The following VAV2 variants were observed in gnomAD, a reference collection of about 807,000 sequenced individuals.
The protein encoded by VAV2 is guanine nucleotide exchange factor VAV2.
VAV2 carries 67 observed loss-of-function variants against 132.5 expected under a neutral mutation model. The ratio of observed to expected loss-of-function variants is 0.51; its 90% CI spans 0.42 to 0.62. The LOEUF (loss-of-function observed/expected upper bound fraction) is 0.62, where lower values mean the gene tolerates loss of function less well. Ranked by LOEUF, VAV2 falls within the 20% of genes least tolerant of loss-of-function variation. The probability of loss-of-function intolerance (pLI) is 0.00; values close to 1 mark genes in which losing one functional copy is unlikely to be tolerated. For synonymous variants in VAV2, 492 were observed against 443.5 expected, an observed-to-expected ratio of 1.11 and a Z score of -1.37; for missense variants, 938 against 1,153.6, an observed-to-expected ratio of 0.81 and a Z score of 2.71.
intron 4 of VAV2, among the ~76,000 whole-genome samples, chr9:133,817,687 G>A (rs1324643353): frequency 1.3e-5 from 2 of 152,150 alleles, no homozygotes; most frequent in Non-Finnish European, 2.9e-5. Context: ...TCCCTCTGCC[G>A]TGTGCAACTT....
rs576139098 is a variant in VAV2, at chr9:133,814,795, A to G, written c.450-2579T>C. 1.4e-4 allele frequency among the ~76,000 whole-genome samples: 21 copies of G among 152,090 alleles called. No individual in the cohort carries two copies. The South Asian group carries it at 4.4e-3, about 32-fold the overall frequency. On this transcript the variant is annotated intron_variant, in intron 4 of 29. Transcript: ENST00000371850. ...GGTCGACCAGAACCGGTTGCTGACG[A>G]CATGCAACGTCTTTCCTCTCCCCCA... is the stretch of plus-strand genomic sequence containing the variant.
chr9:133,983,352 T>C (rs908568350), intron 1 of VAV2, among the ~76,000 whole-genome samples: 1 of 152,040 alleles, frequency 6.6e-6, no homozygotes, highest in Non-Finnish European at 1.5e-5. Flanking sequence ...AAGGAAGATT[T>C]CCTCCAGGAG....
In VAV2 at chr9:133,935,509, C is replaced by T. The variant is rs139155410; in HGVS notation, c.321+3594G>A. 2.6e-3 allele frequency among the ~76,000 whole-genome samples: 393 copies of T among 152,326 alleles called. 1 individual carries two copies. The highest frequency in any genetic ancestry group is 9.2e-3 in the African/African-American group (382 of 41,566). On this transcript the variant is annotated intron_variant, in intron 2 of 29. Transcript: ENST00000371850. This position sits in a 1 kb window ranked among gnomAD's most constrained non-coding sequence, Gnocchi z 5.2. ...CACGGCAGGGACTGCAACAAATACG[C>T]CCCGGCCCAGCAAGAGGTCCCCAGG...
chr9:133,980,976 A>G lies in VAV2; in HGVS notation c.204+11099T>C, dbSNP rs139479423. Reference sequence around the variant, plus strand: ...CACCTCCTCCGGGAAGCTCTCCGCCATCACCCTGCCCCCAGGGATCTAAAT... The same window carrying G: ...CACCTCCTCCGGGAAGCTCTCCGCCGTCACCCTGCCCCCAGGGATCTAAAT... On this transcript the variant is annotated intron_variant, in intron 1 of 29. Transcript: ENST00000371850. Among the ~76,000 whole-genome samples the G allele has an allele frequency of 2.3e-3, 354 of 152,184 alleles. 3 individuals are homozygous for G. Among genetic ancestry groups the G allele is most frequent in the African/African-American group, 8.1e-3 (338 of 41,488 alleles).
rs780046230 is a variant in VAV2, at chr9:133,778,810, G to A, written c.1842C>T (p.Gly614=). ...PGKPVLTFQT[G]DVLELLRGDP... Reference sequence around the variant, plus strand: ...CGCCCCTCAGCAGCTCAAGCACGTCGCCCGTCTGGAAGGTCAGCACAGGCT... The same window carrying A: ...CGCCCCTCAGCAGCTCAAGCACGTCACCCGTCTGGAAGGTCAGCACAGGCT... The change falls in exon 22 of 30, where the codon GGC becomes GGT. Residue 614 remains glycine, a synonymous_variant. Transcript: ENST00000371850. 7.4e-6 allele frequency: 12 copies of A among 1,613,036 alleles called. No homozygotes were observed. The highest frequency in any genetic ancestry group is 1.6e-4 in the Middle Eastern group (1 of 6,062).
intron 2 of VAV2, among the ~76,000 whole-genome samples, chr9:133,929,108 C>T (rs1404577399): frequency 1.3e-5 from 2 of 152,170 alleles, no homozygotes; most frequent in East Asian, 1.9e-4. Flanking sequence ...ATGACAGCTG[C>T]GAGACCTGAA....
chr9:133,825,460 G>A (rs112873614), intron 4 of VAV2, among the ~76,000 whole-genome samples: 4,041 of 152,258 alleles, frequency 0.027, 161 homozygotes, highest in African/African-American at 0.09. Flanking sequence ...TCGTGGGGCC[G>A]TTTTCGTGGA....
chr9:133,832,930 G>A (rs1050109213), intron 4 of VAV2, among the ~76,000 whole-genome samples: 5 of 152,058 alleles, frequency 3.3e-5, no homozygotes, highest in African/African-American at 9.7e-5. Flanking sequence ...GGGCGCCCCA[G>A]GCCTGGCTGT....
chr9:133,958,321 G>A (rs1289652394), intron 1 of VAV2, among the ~76,000 whole-genome samples: 1 of 144,704 alleles, frequency 6.9e-6, no homozygotes, highest in Admixed American at 7.0e-5. Flanking sequence ...CGGATTGTAC[G>A]TTCCATCTAC....
intron 23 of VAV2, among the ~76,000 whole-genome samples, chr9:133,777,075 G>A (rs1354962837): frequency 1.3e-5 from 2 of 152,114 alleles, no homozygotes; most frequent in Admixed American, 6.5e-5. Flanking sequence ...TAGAGTCCCC[G>A]AAATCTGGTG....
Position 133,969,292 on chromosome 9 carries a change from C to CA in VAV2, c.204+22782dup, listed in dbSNP as rs1401718769. On this transcript the variant is annotated intron_variant, in intron 1 of 29. Coordinates refer to ENST00000371850, the MANE Select transcript of VAV2 (RefSeq NM_001134398.2). The surrounding 1 kb of genome is among the most constrained non-coding windows in gnomAD (Gnocchi z 5.1). ...TGCGCTGCTGGCATGGTAGAGAATA[C>CA]AACGAACAGGGAAGGAGGGAGGATC... Among the ~76,000 whole-genome samples, 1 of 152,184 alleles carries CA rather than the reference C, an allele frequency of 6.6e-6. No individual in the cohort carries two copies. The highest frequency in any genetic ancestry group is 1.5e-5 in the Non-Finnish European group (1 of 68,038).
chr9:133,900,441 C>T (rs151309087), intron 2 of VAV2, among the ~76,000 whole-genome samples: 196 of 152,244 alleles, frequency 1.3e-3, no homozygotes, highest in African/African-American at 3.8e-3. Flanking sequence ...AGCCAGTCAT[C>T]AAACCTAAAA....
At chr9:133,806,484 C>T (rs1054925196) in intron 8 of VAV2, among the ~76,000 whole-genome samples, 30 of 152,318 alleles carry the variant, frequency 2.0e-4, no homozygotes, top group Admixed American at 3.9e-4. Context: ...GGCGGCACAG[C>T]GCAGTACTCC....
In VAV2 at chr9:133,853,368, G is replaced by A. The variant is rs193047776; in HGVS notation, c.380+8006C>T. ...TGGTACAGAGCTGCCCCCAGGCTGA[G>A]CAGCAGCACTGGACACTAGGCCAGG... is the stretch of plus-strand genomic sequence containing the variant. On this transcript the variant is annotated intron_variant, in intron 3 of 29. Coordinates refer to ENST00000371850, the MANE Select transcript of VAV2 (RefSeq NM_001134398.2). 2.9e-3 allele frequency among the ~76,000 whole-genome samples: 435 copies of A among 152,258 alleles called. 4 individuals are homozygous for A. Among genetic ancestry groups the A allele is most frequent in the African/African-American group, 9.7e-3 (404 of 41,550 alleles).
chr9:133,772,067 G>A lies in VAV2; in HGVS notation c.2136-21C>T, dbSNP rs199810832. The stretch of plus-strand genomic sequence containing the variant: ...TGAACCTGAGCAAACACACGGCCCC[G>A]GCGGTCACCGCGTGAGGGCCACACG... On this transcript the variant is annotated intron_variant, in intron 25 of 29. Coordinates refer to ENST00000371850, the MANE Select transcript of VAV2 (RefSeq NM_001134398.2). The A allele has an allele frequency of 1.4e-3, 2,210 of 1,609,704 alleles. 20 individuals are homozygous for A. The Middle Eastern group carries it at 0.023, about 17-fold the overall frequency.
At chr9:133,974,173 C>G (rs767125768) in intron 1 of VAV2, among the ~76,000 whole-genome samples, 4 of 152,202 alleles carry the variant, frequency 2.6e-5, no homozygotes, top group Admixed American at 6.5e-5. Flanking sequence ...TCCACACTGC[C>G]TGTGTGGTAT....
At chr9:133,964,490 T>C (rs1035676456) in intron 1 of VAV2, among the ~76,000 whole-genome samples, 3 of 152,176 alleles carry the variant, frequency 2.0e-5, no homozygotes, top group African/African-American at 7.2e-5. Context: ...GGATGTCATA[T>C]ATGTATAATG....
intron 13 of VAV2, among the ~76,000 whole-genome samples, chr9:133,789,685 GCCAGAAGC>G (rs1834375269): frequency 6.7e-6 from 1 of 149,856 alleles, no homozygotes; most frequent in Admixed American, 6.6e-5. Flanking sequence ...GGTCGGAAAA[GCCAGAAGC>G]CCAAGCCCCA....
chr9:133,816,409 G>C (rs767685068), intron 4 of VAV2, among the ~76,000 whole-genome samples: 1 of 152,160 alleles, frequency 6.6e-6, no homozygotes, highest in African/African-American at 2.4e-5. Flanking sequence ...AATCTTTGCT[G>C]TCTTTCAATC....
Sources: gnomAD v4.1 joint callset for allele counts (sites outside exome capture counted in the v4.1 genomes callset) on GRCh38, gnomAD v4.1.1 for gene constraint, Gnocchi (gnomAD v3.1) non-coding constraint, MANE v1.5 for transcripts, NCBI Gene and HGNC (gene_info 2026-07-23, HGNC 2026-07-21) for gene names.